The following MACROD2 variants were observed in gnomAD, a reference collection of about 807,000 sequenced individuals.
The protein encoded by MACROD2 is mono-ADP ribosylhydrolase 2.
MACROD2 carries 36 observed loss-of-function variants against 70.4 expected under a neutral mutation model. The observed-to-expected ratio is 0.51, with a 90% confidence interval of 0.39 to 0.68. MACROD2 has a LOEUF of 0.68. MACROD2 is among the 30% of genes least tolerant of loss of function. The pLI, the probability that MACROD2 is intolerant of heterozygous loss-of-function variation, is 0.00. For missense variants in MACROD2, 496 were observed against 538.4 expected, an observed-to-expected ratio of 0.92 and a Z score of 0.78; for synonymous variants, 172 against 178.8, an observed-to-expected ratio of 0.96 and a Z score of 0.30.
intron 6 of MACROD2, among the ~76,000 whole-genome samples, chr20:15,251,049 T>C (rs2077151498): frequency 6.6e-6 from 1 of 152,088 alleles, no homozygotes; most frequent in African/African-American, 2.4e-5. Context: ...GTCTACATTG[T>C]GAGAACAGAA....
chr20:14,068,056 T>G (rs2148659427), intron 2 of MACROD2, among the ~76,000 whole-genome samples: 1 of 152,346 alleles, frequency 6.6e-6, no homozygotes. Flanking sequence ...AATTAGGATG[T>G]CTGCAGATGG....
chr20:14,926,421 G>A (rs191512423), intron 5 of MACROD2, among the ~76,000 whole-genome samples: 27 of 151,946 alleles, frequency 1.8e-4, no homozygotes, highest in African/African-American at 4.1e-4. Context: ...ATGGTGGTGC[G>A]TGCCTGTAGT....
At chr20:15,599,697 A>T (rs1452357336) in intron 8 of MACROD2, among the ~76,000 whole-genome samples, 1 of 152,218 alleles carries the variant, frequency 6.6e-6, no homozygotes, top group Non-Finnish European at 1.5e-5. Flanking sequence ...GTAGGAACCA[A>T]TATGTCTATA....
intron 8 of MACROD2, among the ~76,000 whole-genome samples, chr20:15,571,526 A>G (rs1289067423): frequency 4.6e-5 from 7 of 151,994 alleles, no homozygotes; most frequent in Admixed American, 4.6e-4. Flanking sequence ...ATATTTTAAT[A>G]TTTTTAAGTT....
chr20:14,995,085 A>G (rs1305109299), intron 5 of MACROD2, among the ~76,000 whole-genome samples: 2 of 152,274 alleles, frequency 1.3e-5, no homozygotes, highest in African/African-American at 4.8e-5. Context: ...TATTTACCTG[A>G]TTTATTTTAA....
chr20:14,633,062 G>A (rs1044097042), intron 4 of MACROD2, among the ~76,000 whole-genome samples: 6 of 152,242 alleles, frequency 3.9e-5, no homozygotes, highest in Non-Finnish European at 8.8e-5. Context: ...CTGCGTTCCC[G>A]CAGAGGCCCT....
chr20:14,663,576 A>AT (rs1986342747), intron 4 of MACROD2, among the ~76,000 whole-genome samples: 1 of 151,806 alleles, frequency 6.6e-6, no homozygotes, highest in African/African-American at 2.4e-5. Context: ...ATATATATAT[A>AT]AAATGATGTG....
chr20:14,870,157 G>A (rs2073472010), intron 5 of MACROD2, among the ~76,000 whole-genome samples: 1 of 152,032 alleles, frequency 6.6e-6, no homozygotes, highest in Non-Finnish European at 1.5e-5. Flanking sequence ...TTGTGTCCAT[G>A]TATTCTCATC....
chr20:14,897,079 G>T (rs553379854), intron 5 of MACROD2, among the ~76,000 whole-genome samples: 3 of 152,126 alleles, frequency 2.0e-5, no homozygotes, highest in Non-Finnish European at 4.4e-5. Flanking sequence ...TGGAGTTCCT[G>T]CACTTTTCTT....
At chr20:14,453,953 C>T (rs1191552447) in intron 3 of MACROD2, among the ~76,000 whole-genome samples, 1 of 151,542 alleles carries the variant, frequency 6.6e-6, no homozygotes, top group Non-Finnish European at 1.5e-5. Flanking sequence ...TAACCAAACC[C>T]CTATTACATT....
At chr20:14,950,571 A>T (rs2074467655) in intron 5 of MACROD2, among the ~76,000 whole-genome samples, 1 of 152,178 alleles carries the variant, frequency 6.6e-6, no homozygotes. Context: ...GCAAGCCCAC[A>T]TTAGGTATTA....
chr20:14,668,650 T>C (rs2070762169), intron 4 of MACROD2, among the ~76,000 whole-genome samples: 1 of 152,198 alleles, frequency 6.6e-6, no homozygotes, highest in Non-Finnish European at 1.5e-5. Context: ...ATATTTTAAA[T>C]GAGTACATGG....
At chr20:15,561,115 T>G (rs534716208) in intron 8 of MACROD2, among the ~76,000 whole-genome samples, 2 of 152,276 alleles carry the variant, frequency 1.3e-5, no homozygotes, top group East Asian at 3.9e-4. Flanking sequence ...ATGGAGGCAG[T>G]GAGTATTGTA....
intron 6 of MACROD2, among the ~76,000 whole-genome samples, chr20:15,381,011 A>C (rs2045635771): frequency 6.6e-6 from 1 of 152,190 alleles, no homozygotes; most frequent in South Asian, 2.1e-4. Context: ...GGAATTATAC[A>C]TGTTTATCAG....
At chr20:14,967,524 AT>A (rs1228009470) in intron 5 of MACROD2, among the ~76,000 whole-genome samples, 7 of 152,114 alleles carry the variant, frequency 4.6e-5, no homozygotes, top group Non-Finnish European at 1.0e-4. Context: ...TGAGTCCATC[AT>A]CAGATATAGA....
chr20:15,557,725 G>A (rs952802429), intron 8 of MACROD2, among the ~76,000 whole-genome samples: 9 of 152,154 alleles, frequency 5.9e-5, no homozygotes, highest in Non-Finnish European at 1.3e-4. Flanking sequence ...AACTCATGAT[G>A]GAACACAGAG....
At chr20:15,123,128 T>C (rs2076042582) in intron 5 of MACROD2, among the ~76,000 whole-genome samples, 1 of 152,178 alleles carries the variant, frequency 6.6e-6, no homozygotes, top group African/African-American at 2.4e-5. Flanking sequence ...TGACCCAGTT[T>C]AGACCAAAGA....
intron 6 of MACROD2, among the ~76,000 whole-genome samples, chr20:15,278,909 G>A (rs1328217133): frequency 1.3e-5 from 2 of 152,190 alleles, no homozygotes; most frequent in Admixed American, 6.5e-5. Flanking sequence ...GTGTCACAGT[G>A]TTTTGTAAAC....
chr20:15,454,106 G>C (rs1490986150), intron 7 of MACROD2, among the ~76,000 whole-genome samples: 2 of 152,146 alleles, frequency 1.3e-5, no homozygotes, highest in Non-Finnish European at 2.9e-5. Flanking sequence ...TAGAGGCTGT[G>C]AGCTTCAGAG....
Sources: allele counts gnomAD v4.1 joint callset (sites outside exome capture counted in the v4.1 genomes callset), GRCh38; gene constraint gnomAD v4.1.1; transcripts MANE v1.5; gene names NCBI Gene and HGNC (gene_info 2026-07-23, HGNC 2026-07-21).